WIPF1: variants seen among roughly 807,000 people sequenced by gnomAD.
WIPF1 encodes the protein WAS/WASL-interacting protein family member 1.
A neutral mutation model predicts 35.4 loss-of-function variants in WIPF1; 13 were observed. The observed-to-expected ratio is 0.37, with a 90% CI of 0.24 to 0.58. WIPF1 has a LOEUF of 0.58. Among genes scored for constraint, WIPF1 ranks in the 20% least tolerant of loss-of-function variants. WIPF1 has a pLI of 0.74. For missense variants in WIPF1, 591 were observed against 667.0 expected, an observed-to-expected ratio of 0.89 and a Z score of 1.25; for synonymous variants, 267 against 266.3, an observed-to-expected ratio of 1.00 and a Z score of -0.02.
intron 1 of WIPF1, among the ~76,000 whole-genome samples, chr2:174,682,455 C>T (rs755046683): frequency 1.1e-4 from 16 of 152,172 alleles, no homozygotes; most frequent in South Asian, 2.1e-4. Context: ...CACGGGGCGG[C>T]CCCGGGTCCG....
At position 174,592,095 on chromosome 2, in the gene WIPF1, T is replaced by C. The variant is rs530724588; in HGVS notation, c.-39+5506A>G. ...AGACTCATCCCTGAATGTAAAATGATTGCCTTCCTTGGGATCAAGAAAGTG... is the reference window on the plus strand; with the variant it reads ...AGACTCATCCCTGAATGTAAAATGACTGCCTTCCTTGGGATCAAGAAAGTG... On this transcript the variant is annotated intron_variant, in intron 1 of 7. Coordinates refer to ENST00000679041, the MANE Select transcript of WIPF1 (RefSeq NM_001375834.1). 4.6e-5 allele frequency among the ~76,000 whole-genome samples: 7 copies of C among 152,314 alleles called. No individual in the cohort carries two copies. In the East Asian group the frequency reaches 7.7e-4, roughly 17 times the overall value.
rs1305312314 is a variant in WIPF1, at chr2:174,565,867, C to G, written c.1456+1203G>C. ...GCATATTTCATGCTAATTCTTTCTTCGTTGTATACATTTTTTTTTATTTTT... is the reference window on the plus strand; with the variant it reads ...GCATATTTCATGCTAATTCTTTCTTGGTTGTATACATTTTTTTTTATTTTT... On this transcript the variant is annotated intron_variant, in intron 7 of 7. Transcript: ENST00000679041. Among the ~76,000 whole-genome samples the G allele has an allele frequency of 3.3e-5, 5 of 151,586 alleles. No homozygotes were observed. In the Admixed American group the frequency reaches 3.3e-4, roughly 10 times the overall value.
At position 174,576,909 on chromosome 2, in the gene WIPF1, G is replaced by T. The variant is rs572443826; in HGVS notation, c.182-1529C>A. Among the ~76,000 whole-genome samples, 3 of 152,308 alleles carry T rather than the reference G, an allele frequency of 2.0e-5. No homozygotes were observed. In the South Asian group the frequency reaches 6.2e-4, roughly 32 times the overall value. ...TAAAGTCCTCTTCCCAAAAAACTAT[G>T]TTGAGTTTTTGATAAATAGTATATG... is the stretch of plus-strand genomic sequence containing the variant. On this transcript the variant is annotated intron_variant, in intron 3 of 7. Transcript: ENST00000679041.
chr2:174,574,257 A>C lies in WIPF1; in HGVS notation c.358+947T>G, dbSNP rs111742630. Among the ~76,000 whole-genome samples the C allele has an allele frequency of 8.9e-3, 1,357 of 152,234 alleles. 30 individuals carry two copies. Among genetic ancestry groups the C allele is most frequent in the African/African-American group, 0.03 (1,265 of 41,540 alleles). The stretch of plus-strand genomic sequence containing the variant: ...TCTTCACCTGTTGTTAAAGTACTAA[A>C]TGTATACATTTATCAGCTGCCTTAA... On this transcript the variant is annotated intron_variant, in intron 4 of 7. Transcript: ENST00000679041.
In WIPF1 at chr2:174,671,379, C is replaced by T. The variant is rs59515419; in HGVS notation, c.-39+11395G>A. Among the ~76,000 whole-genome samples, 459 of 152,264 alleles carry T rather than the reference C, an allele frequency of 3.0e-3. 17 individuals carry two copies. In the East Asian group the frequency reaches 0.076, roughly 25 times the overall value. ...TTTCGTAAGCTGAGGATGTATGTTGCCTCAGGACCCTGTGATGATTGCATT... is the reference window on the plus strand; with the variant it reads ...TTTCGTAAGCTGAGGATGTATGTTGTCTCAGGACCCTGTGATGATTGCATT... On this transcript the variant is annotated intron_variant, in intron 1 of 8. Coordinates refer to the WIPF1 transcript ENST00000272746.
chr2:174,673,057 G>A (rs1409039554), intron 1 of WIPF1, among the ~76,000 whole-genome samples: 1 of 152,132 alleles, frequency 6.6e-6, no homozygotes, highest in Admixed American at 6.5e-5. Context: ...ATCAGCATAT[G>A]GGGGCCTCAA....
At chr2:174,601,176 C>T (rs1685995465), upstream of WIPF1, among the ~76,000 whole-genome samples, 1 of 152,148 alleles carries the variant, frequency 6.6e-6, no homozygotes, top group African/African-American at 2.4e-5. Context: ...ATCTGTCCAC[C>T]TCAGCCTCCC....
intron 1 of WIPF1, among the ~76,000 whole-genome samples, chr2:174,633,338 A>G (rs1345048747): frequency 1.3e-5 from 2 of 152,062 alleles, no homozygotes; most frequent in African/African-American, 4.8e-5. Flanking sequence ...TTTATCATAC[A>G]GACACATTTT....
At chr2:174,612,611 A>T (rs1050007867) in intron 1 of WIPF1, among the ~76,000 whole-genome samples, 2 of 151,704 alleles carry the variant, frequency 1.3e-5, no homozygotes, top group Admixed American at 6.6e-5. Context: ...ACATACGATT[A>T]AATTATTTTC....
At chr2:174,607,212 G>A (rs1686196877) in intron 1 of WIPF1, among the ~76,000 whole-genome samples, 2 of 151,948 alleles carry the variant, frequency 1.3e-5, no homozygotes, top group Non-Finnish European at 2.9e-5. Context: ...GACCATCCTG[G>A]CTAACACGGT....
chr2:174,612,578 G>GTTTT (rs71024820), intron 1 of WIPF1, among the ~76,000 whole-genome samples: 1 of 149,892 alleles, frequency 6.7e-6, no homozygotes. Context: ...GACATGAACA[G>GTTTT]TTTTTTTTTA....
At chr2:174,648,203 G>A (rs761869670) in intron 1 of WIPF1, among the ~76,000 whole-genome samples, 2 of 152,118 alleles carry the variant, frequency 1.3e-5, no homozygotes, top group African/African-American at 2.4e-5. Flanking sequence ...AACATTGTAC[G>A]TTGTATAGTG....
chr2:174,577,634 A>G (rs761745483), intron 3 of WIPF1, among the ~76,000 whole-genome samples: 3 of 152,208 alleles, frequency 2.0e-5, no homozygotes, highest in Non-Finnish European at 2.9e-5. Context: ...CTAACATTAA[A>G]AATGGGATAG....
At position 174,571,148 on chromosome 2, in the gene WIPF1, G is replaced by A. The variant is rs186384252; in HGVS notation, c.1129+528C>T. 5.4e-4 allele frequency: 102 copies of A among 188,418 alleles called. No homozygotes were observed. Among genetic ancestry groups the A allele is most frequent in the Admixed American group, 8.5e-4 (16 of 18,912 alleles). 11.7% of individuals were successfully genotyped at this position (188,418 alleles called of 1,614,324 possible). A position where few individuals can be genotyped will look rare whatever the true frequency, so the allele number is the denominator to read the frequency against. ...GATTCTCCAAGGGATTTATGTACCA[G>A]AGATTACAAAGAGCAAAATGGACTT... On this transcript the variant is annotated intron_variant, in intron 5 of 7. Transcript: ENST00000679041. This position sits in a 1 kb window ranked among gnomAD's most constrained non-coding sequence, Gnocchi z 4.6.
At chr2:174,635,182 T>C (rs554129357) in intron 1 of WIPF1, among the ~76,000 whole-genome samples, 13 of 152,332 alleles carry the variant, frequency 8.5e-5, no homozygotes, top group Non-Finnish European at 1.8e-4. Context: ...TGTGCCCCAA[T>C]TGTTGGTTCG....
chr2:174,585,418 G>T, intron 2 of WIPF1, 105 bp downstream of exon 2: 1 of 1,203,432 alleles, frequency 8.3e-7, no homozygotes, highest in Non-Finnish European at 1.2e-6. Flanking sequence ...TGTATCACAT[G>T]TGAGCCAGAA....
At chr2:174,673,866 T>G (rs1416345074) in intron 1 of WIPF1, 1 of 151,452 alleles carries the variant, frequency 6.6e-6, no homozygotes, top group African/African-American at 2.4e-5. Flanking sequence ...ATGGCAGACA[T>G]CAAGCATTCA....
intron 1 of WIPF1, among the ~76,000 whole-genome samples, chr2:174,649,775 AAAG>A (rs1417703419): frequency 6.6e-6 from 1 of 152,228 alleles, no homozygotes; most frequent in Non-Finnish European, 1.5e-5. Flanking sequence ...CCATCACATA[AAAG>A]AATACAAAAC....
At chr2:174,673,447 A>G (rs1008907505) in intron 1 of WIPF1, 2 of 152,240 alleles carry the variant, frequency 1.3e-5, no homozygotes, top group African/African-American at 4.8e-5. Context: ...CCATAAACTC[A>G]TTCAGCCCCC....
Sources: allele counts gnomAD v4.1 joint callset (sites outside exome capture counted in the v4.1 genomes callset), GRCh38; gene constraint gnomAD v4.1.1; non-coding constraint Gnocchi (gnomAD v3.1); transcripts MANE v1.5; gene names NCBI Gene and HGNC (gene_info 2026-07-23, HGNC 2026-07-21).